HS6ST3: variants seen among roughly 807,000 people sequenced by gnomAD.
The protein encoded by HS6ST3 is heparan sulfate 6-O-sulfotransferase 3, also known as heparan-sulfate 6-O-sulfotransferase 3.
HS6ST3 carries 12 observed loss-of-function variants against 36.7 expected under a neutral mutation model. That is an observed-to-expected ratio of 0.33 (90% CI 0.21 to 0.53). The LOEUF is 0.53. HS6ST3 is among the 20% of genes least tolerant of loss of function. HS6ST3 has a pLI of 0.95. For synonymous variants in HS6ST3, 240 were observed against 257.5 expected (o/e 0.93, Z 0.65); for missense variants, 584 against 640.9 (o/e 0.91, Z 0.96).
At chr13:96,810,431 T>C (rs942778687) in intron 1 of HS6ST3, among the ~76,000 whole-genome samples, 1 of 152,176 alleles carries the variant, frequency 6.6e-6, no homozygotes, top group Non-Finnish European at 1.5e-5. Flanking sequence ...ATTATGACCA[T>C]AAAACTCTGT....
chr13:96,824,697 G>C (rs1043420232), intron 1 of HS6ST3, among the ~76,000 whole-genome samples: 2 of 152,196 alleles, frequency 1.3e-5, no homozygotes, highest in Non-Finnish European at 2.9e-5. Context: ...AGGGCAGAGG[G>C]AGCTAAGCTT....
At chr13:96,374,635 A>G (rs2055305909) in intron 1 of HS6ST3, among the ~76,000 whole-genome samples, 1 of 152,118 alleles carries the variant, frequency 6.6e-6, no homozygotes, top group African/African-American at 2.4e-5. Context: ...GATGTTTGCC[A>G]TGGGATAAGG....
intron 1 of HS6ST3, among the ~76,000 whole-genome samples, chr13:96,295,285 A>C (rs2054849447): frequency 6.6e-6 from 1 of 152,178 alleles, no homozygotes; most frequent in African/African-American, 2.4e-5. Flanking sequence ...TATTTATTAT[A>C]TAATAGGTTA....
intron 1 of HS6ST3, among the ~76,000 whole-genome samples, chr13:96,254,492 T>TACACAC (rs1566302716): frequency 4.9e-4 from 12 of 24,706 alleles, no homozygotes; most frequent in African/African-American, 1.9e-3. Context: ...TATATATATA[T>TACACAC]ATATATACAC....
At chr13:96,269,332 C>T (rs904343332) in intron 1 of HS6ST3, among the ~76,000 whole-genome samples, 1 of 151,804 alleles carries the variant, frequency 6.6e-6, no homozygotes, top group Non-Finnish European at 1.5e-5. Context: ...GGTTGCATCC[C>T]CTTGCCTTAC....
chr13:96,656,379 G>A (rs985358247), intron 1 of HS6ST3, among the ~76,000 whole-genome samples: 1 of 152,006 alleles, frequency 6.6e-6, no homozygotes, highest in African/African-American at 2.4e-5. Context: ...TCCATTAAGG[G>A]AAGCCTCATT....
At chr13:96,496,383 A>C (rs2138909641) in intron 1 of HS6ST3, among the ~76,000 whole-genome samples, 1 of 152,250 alleles carries the variant, frequency 6.6e-6, no homozygotes, top group East Asian at 1.9e-4. Context: ...TGACCCATCA[A>C]GAGGGACATC....
intron 1 of HS6ST3, among the ~76,000 whole-genome samples, chr13:96,221,929 C>G (rs2054457563): frequency 6.6e-6 from 1 of 152,114 alleles, no homozygotes; most frequent in Admixed American, 6.5e-5. Flanking sequence ...AATCAATCAA[C>G]CTTAGTTGTA....
At chr13:96,190,917 A>G (rs942684577) in intron 1 of HS6ST3, among the ~76,000 whole-genome samples, 1 of 147,232 alleles carries the variant, frequency 6.8e-6, no homozygotes, top group African/African-American at 2.6e-5. Context: ...GGGCTGAGTG[A>G]CACAAGGCTA....
At chr13:96,560,227 T>C (rs1278733472) in intron 1 of HS6ST3, among the ~76,000 whole-genome samples, 1 of 152,226 alleles carries the variant, frequency 6.6e-6, no homozygotes, top group Non-Finnish European at 1.5e-5. Flanking sequence ...TTAGTGGCCA[T>C]GTGTTAGACA....
intron 1 of HS6ST3, among the ~76,000 whole-genome samples, chr13:96,546,688 G>A (rs2056198997): frequency 2.0e-5 from 3 of 152,140 alleles, no homozygotes; most frequent in Admixed American, 6.5e-5. Flanking sequence ...ACCATCGTAG[G>A]GGTGTGTTAA....
At chr13:96,474,169 T>G (rs1293168525) in intron 1 of HS6ST3, among the ~76,000 whole-genome samples, 2 of 152,162 alleles carry the variant, frequency 1.3e-5, no homozygotes, top group East Asian at 1.9e-4. Flanking sequence ...TCCTTCAATT[T>G]TTTTCCTCTG....
At chr13:96,455,210 C>T (rs1048786468) in intron 1 of HS6ST3, among the ~76,000 whole-genome samples, 1 of 151,932 alleles carries the variant, frequency 6.6e-6, no homozygotes, top group African/African-American at 2.4e-5. Context: ...ATGTTTTCAC[C>T]ACTACAAGGG....
chr13:96,661,792 G>A (rs1171918205), intron 1 of HS6ST3, among the ~76,000 whole-genome samples: 1 of 152,078 alleles, frequency 6.6e-6, no homozygotes, highest in Non-Finnish European at 1.5e-5. Context: ...CGGTCTATTG[G>A]TGATGAATTC....
intron 1 of HS6ST3, among the ~76,000 whole-genome samples, chr13:96,144,540 A>G (rs2139319277): frequency 6.6e-6 from 1 of 152,204 alleles, no homozygotes; most frequent in South Asian, 2.1e-4. Flanking sequence ...TGTGTTCACT[A>G]TCAAATAATC....
intron 1 of HS6ST3, among the ~76,000 whole-genome samples, chr13:96,326,268 C>T (rs533985271): frequency 6.6e-6 from 1 of 150,384 alleles, no homozygotes; most frequent in African/African-American, 2.4e-5. Context: ...TGTTGGTGTG[C>T]TGCACCCATT....
At chr13:96,138,995 C>G (rs535567246) in intron 1 of HS6ST3, among the ~76,000 whole-genome samples, 1 of 151,894 alleles carries the variant, frequency 6.6e-6, no homozygotes, top group East Asian at 1.9e-4. Context: ...AATCAGAATA[C>G]ATTATTTTAT....
At chr13:96,668,686 C>CTTTTTTTTTTTTTTTTTTTTTTTTTT (rs146033180) in intron 1 of HS6ST3, among the ~76,000 whole-genome samples, 2 of 58,916 alleles carry the variant, frequency 3.4e-5, no homozygotes, top group Non-Finnish European at 6.3e-5. Context: ...TAGTGCCAAC[C>CTTTTTTTTTTTTTTTTTTTTTTTTTT]TTTTTTTTTT....
At chr13:96,629,174 T>A (rs1010050040) in intron 1 of HS6ST3, among the ~76,000 whole-genome samples, 4 of 152,214 alleles carry the variant, frequency 2.6e-5, no homozygotes, top group African/African-American at 9.6e-5. Context: ...TCATTCCAAC[T>A]GTTCCAAAGA....
Sources: gnomAD v4.1 joint callset for allele counts (sites outside exome capture counted in the v4.1 genomes callset) on GRCh38, gnomAD v4.1.1 for gene constraint, MANE v1.5 for transcripts, NCBI Gene and HGNC (gene_info 2026-07-23, HGNC 2026-07-21) for gene names.